ESYT1: variants seen among roughly 807,000 people sequenced by gnomAD.
ESYT1 encodes extended synaptotagmin 1.
In ESYT1, 116 loss-of-function variants were observed where a neutral mutation model predicts 154.2. The observed-to-expected ratio is 0.75, with a 90% CI of 0.65 to 0.88. The LOEUF is 0.88. Among genes scored for constraint, ESYT1 ranks in the 40% least tolerant of loss-of-function variants. ESYT1 has a pLI of 0.00. For synonymous variants in ESYT1, 500 were observed against 539.9 expected, an observed-to-expected ratio of 0.93 and a Z score of 1.02; for missense variants, 1,264 against 1,379.3, an observed-to-expected ratio of 0.92 and a Z score of 1.32.
chr12:56,130,661 G>T, intron 2 of ESYT1, 38 bp downstream of exon 2: 1 of 1,614,002 alleles, frequency 6.2e-7, no homozygotes, highest in Non-Finnish European at 8.5e-7. Context: ...CATGAGGGGA[G>T]AATGGGAATT....
At position 56,144,101 on chromosome 12, in the gene ESYT1, T is replaced by C. The variant is rs773538386; in HGVS notation, c.*239T>C. 6.8e-5 allele frequency: 96 copies of C among 1,417,992 alleles called. No homozygotes were observed. The highest frequency in any genetic ancestry group is 8.4e-5 in the Non-Finnish European group (92 of 1,089,214). The allele number at this position is 1,417,992 out of a possible 1,614,324, so 87.8% of individuals were successfully genotyped here. On this transcript the variant is annotated 3_prime_UTR_variant, in exon 31 of 31. Coordinates refer to ENST00000394048, the MANE Select transcript of ESYT1 (RefSeq NM_015292.3). ...GGGGCGGGGACCTGAGCTGGCTGTT[T>C]CCTGCTTTGCCTGCACATTGTTCTC...
Position 56,142,206 on chromosome 12 carries a change from C to A in ESYT1, c.2593-79C>A. On this transcript the variant is annotated intron_variant, in intron 24 of 30. Transcript: ENST00000394048. This position sits in a 1 kb window ranked among gnomAD's most constrained non-coding sequence, Gnocchi z 4.1. ...TCACCAAACCACCTATGAGTCCAAG[C>A]GTTTGGACCTTTAAAACACCAGGAT... 6.5e-7 allele frequency: 1 copy of A among 1,545,766 alleles called. No homozygotes were observed. Among genetic ancestry groups the A allele is most frequent in the Non-Finnish European group, 8.8e-7 (1 of 1,133,600 alleles).
chr12:56,128,792 G>C, intron 1 of ESYT1, 83 bp downstream of exon 1: 2 of 1,544,566 alleles, frequency 1.3e-6, no homozygotes, highest in South Asian at 2.3e-5. Context: ...TATGCCTAGA[G>C]TCAGCTCCCT....
At chr12:56,136,524 G>A (rs1273145858) in intron 15 of ESYT1, among the ~76,000 whole-genome samples, 2 of 149,786 alleles carry the variant, frequency 1.3e-5, no homozygotes, top group African/African-American at 2.5e-5. Flanking sequence ...CCAGGAGGTC[G>A]AAGTTGCAGT....
At chr12:56,134,513 C>T (rs1870370148) in intron 15 of ESYT1, 85 bp downstream of exon 15, 1 of 1,159,348 alleles carries the variant, frequency 8.6e-7, no homozygotes, top group Non-Finnish European at 1.3e-6. Flanking sequence ...CTTCTTTTCC[C>T]TTGATTCCTA....
At position 56,144,339 on chromosome 12, in the gene ESYT1, C is replaced by G. The variant is rs1429650548; in HGVS notation, c.*477C>G. On this transcript the variant is annotated 3_prime_UTR_variant, in exon 31 of 31. Transcript: ENST00000394048. The stretch of plus-strand genomic sequence containing the variant: ...TAGACTACTGCATGTAGCAAATGTT[C>G]AGCAGCTCAGGCCCCCATGTCCAGT... The G allele has an allele frequency of 7.9e-6, 8 of 1,012,640 alleles. No homozygotes were observed. Among genetic ancestry groups the G allele is most frequent in the Middle Eastern group, 5.0e-4 (1 of 2,002 alleles). The allele number at this position is 1,012,640 out of a possible 1,614,324, so 62.7% of individuals were successfully genotyped here. A position where few individuals can be genotyped will look rare whatever the true frequency, so the allele number is the denominator to read the frequency against.
Position 56,137,258 on chromosome 12 carries a change from T to A in ESYT1, c.1823T>A (p.Val608Glu). 6.2e-7 allele frequency: 1 copy of A among 1,614,214 alleles called. No individual in the cohort carries two copies. Residue 608 changes from valine to glutamate, a missense_variant, in exon 17 of 31, where the codon GTG becomes GAG. Transcript: ENST00000394048. ...TCATCAGAAATATGCTTCCCCACGGTGCCTGGTTGTCCTGGTGCTTGGGAC... is the reference window on the plus strand; with the variant it reads ...TCATCAGAAATATGCTTCCCCACGGAGCCTGGTTGTCCTGGTGCTTGGGAC... ...LDSSEICFPTVPGCPGAWDVD... is the reference protein window; with the variant it reads ...LDSSEICFPTEPGCPGAWDVD...
chr12:56,144,233 CT>C lies in ESYT1; in HGVS notation c.*374del, dbSNP rs1870832436. On this transcript the variant is annotated 3_prime_UTR_variant, in exon 31 of 31. Coordinates refer to ENST00000394048, the MANE Select transcript of ESYT1 (RefSeq NM_015292.3). ...TACAGCTTTGGAAGGATCTTTTTTTCTTTAACTAGATGGTCACCTTCTTCCC... is the reference window on the plus strand; with the variant it reads ...TACAGCTTTGGAAGGATCTTTTTTTCTTAACTAGATGGTCACCTTCTTCCC... The C allele has an allele frequency of 9.0e-7, 1 of 1,111,942 alleles. No homozygotes were observed. The highest frequency in any genetic ancestry group is 1.1e-6 in the Non-Finnish European group (1 of 907,070). The allele number at this position is 1,111,942 out of a possible 1,614,324, so 68.9% of individuals were successfully genotyped here.
chr12:56,130,975 G>A (rs367631676), intron 3 of ESYT1, 50 bp downstream of exon 3: 9 of 1,613,984 alleles, frequency 5.6e-6, no homozygotes, highest in Non-Finnish European at 6.8e-6. Flanking sequence ...AGGGTGAGTG[G>A]CCCGGAGTAG....
chr12:56,131,844 G>C (rs200049062), intron 7 of ESYT1, 40 bp downstream of exon 7: 72 of 1,602,216 alleles, frequency 4.5e-5, no homozygotes, highest in Non-Finnish European at 5.8e-5. Flanking sequence ...GTGTTCCAGC[G>C]CTGGGTTGGG....
At position 56,133,428 on chromosome 12, in the gene ESYT1, A is replaced by G; in HGVS notation, c.1256A>G (p.Asp419Gly). 6.2e-7 allele frequency: 1 copy of G among 1,614,110 alleles called. No homozygotes were observed. The highest frequency in any genetic ancestry group is 8.5e-7 in the Non-Finnish European group (1 of 1,180,032). ...CCGCCAACCCTCAGAATGAAGCTGGATGTAGGGAAGGTGTTACAGGCTAGC... is the reference window on the plus strand; with the variant it reads ...CCGCCAACCCTCAGAATGAAGCTGGGTGTAGGGAAGGTGTTACAGGCTAGC... Reference protein sequence around the residue: ...KDDFLGRMKLDVGKVLQASVL... With the variant: ...KDDFLGRMKLGVGKVLQASVL... Residue 419 changes from aspartate (D) to glycine (G), a missense_variant, in exon 11 of 31, where the codon GAT (aspartate) becomes GGT (glycine). Physicochemically the swap from Asp to Gly is moderately conservative, Grantham distance 94. Transcript: ENST00000394048.
At position 56,128,481 on chromosome 12, in the gene ESYT1, G is replaced by A. The variant is rs1313939505; in HGVS notation, c.162G>A (p.Val54=). The change falls in exon 1 of 31, where the codon GTG becomes GTA. Residue 54 remains valine (V), a synonymous_variant. Coordinates refer to ENST00000394048, the MANE Select transcript of ESYT1 (RefSeq NM_015292.3). ...GCGCGGCGGGTGAGGCCCTGGCGGT[G>A]CTGACTTCATTCGGGAGGCGGTTGC... ...GPGAAGEALA[V]LTSFGRRLLV... is the part of the protein sequence containing the mutation. 14 of 1,610,954 alleles carry A rather than the reference G, an allele frequency of 8.7e-6. No homozygotes were observed. Among genetic ancestry groups the A allele is most frequent in the African/African-American group, 1.3e-5 (1 of 74,928 alleles).
chr12:56,143,299 CCTT>C lies in ESYT1; in HGVS notation c.3193_3195del (p.Phe1065del). 1.2e-6 allele frequency: 2 copies of C among 1,614,142 alleles called. No homozygotes were observed. The highest frequency in any genetic ancestry group is 1.7e-6 in the Non-Finnish European group (2 of 1,180,026). On this transcript the variant is annotated inframe_deletion, in exon 29 of 31. Coordinates refer to ENST00000394048, the MANE Select transcript of ESYT1 (RefSeq NM_015292.3). Reference sequence around the variant, plus strand: ...GATGTCTCTGTCAAGTCTAATTCCTCCTTCATGTCAAGAGAGCGTGAGCTGCTG... The same window carrying C: ...GATGTCTCTGTCAAGTCTAATTCCTCCATGTCAAGAGAGCGTGAGCTGCTG...
chr12:56,142,713 C>T lies in ESYT1; in HGVS notation c.2869C>T (p.Arg957Cys), dbSNP rs763043450. The change falls in exon 26 of 31, where the codon CGC (arginine) becomes TGC (cysteine). Residue 957 changes from arginine to cysteine, a missense_variant. By Grantham distance (180) the Arg-to-Cys change is radical. Coordinates refer to ENST00000394048, the MANE Select transcript of ESYT1 (RefSeq NM_015292.3). The surrounding 1 kb of genome is among the most constrained non-coding windows in gnomAD (Gnocchi z 4.1). ...CTCCTCAGCCCCAGAGCTCCGGCAG[C>T]GCCTAACACATGTTGACAGGTAAAG... ...ITSSAPELRQ[R>C]LTHVDSPLEA... 2.5e-6 allele frequency: 4 copies of T among 1,613,746 alleles called. No individual in the cohort carries two copies. The highest frequency in any genetic ancestry group is 3.4e-6 in the Non-Finnish European group (4 of 1,180,040).
Position 56,143,922 on chromosome 12 carries a change from G to T in ESYT1, c.*60G>T. 1 of 1,611,220 alleles carries T rather than the reference G, an allele frequency of 6.2e-7. No individual in the cohort carries two copies. ...CCTGCCTTCGTCTCGCTCCATCACC[G>T]CCTCAATGTGATGAGCCTAAAGCTA... On this transcript the variant is annotated 3_prime_UTR_variant, in exon 31 of 31. Transcript: ENST00000394048.
At chr12:56,138,102 C>T in intron 20 of ESYT1, 28 bp downstream of exon 20, 6 of 1,613,930 alleles carry the variant, frequency 3.7e-6, no homozygotes, top group Non-Finnish European at 5.1e-6. Flanking sequence ...GTCAACAACC[C>T]CTCCTGATCC....
In ESYT1 at chr12:56,137,366, G is replaced by A. The variant is rs1870502517; in HGVS notation, c.1931G>A (p.Gly644Glu). The A allele has an allele frequency of 6.2e-7, 1 of 1,614,190 alleles. No individual in the cohort carries two copies. The highest frequency in any genetic ancestry group is 8.5e-7 in the Non-Finnish European group (1 of 1,180,038). The change falls in exon 17 of 31, where the codon GGG (glycine) becomes GAG (glutamate). Residue 644 changes from glycine (G) to glutamate (E), a missense_variant. Physicochemically the swap from Gly to Glu is moderately conservative, Grantham distance 98. Coordinates refer to ENST00000394048, the MANE Select transcript of ESYT1 (RefSeq NM_015292.3). ...PCHTTPDSQF[G>E]TEHVLRIHVL... ...CACACGACTCCTGATAGCCAGTTTG[G>A]GACTGAGGTGAGTCTATATCTGGAA...
In ESYT1 at chr12:56,133,744, C is replaced by CG. The variant is rs1158645364; in HGVS notation, c.1381-33dup. ...AGCTGGAAGTGTAGGGGACTTGGAA[C>CG]GGGGACCAAGATCTGACTACTACCA... is the stretch of plus-strand genomic sequence containing the variant. On this transcript the variant is annotated intron_variant, in intron 12 of 30. Transcript: ENST00000394048. The CG allele has an allele frequency of 5.0e-6, 8 of 1,612,688 alleles. No homozygotes were observed. In the Admixed American group the frequency reaches 1.3e-4, roughly 27 times the overall value.
chr12:56,137,594 C>T lies in ESYT1; in HGVS notation c.2034C>T (p.Val678=), dbSNP rs373790808. Residue 678 remains valine (V), a synonymous_variant, in exon 18 of 31, where the codon GTC becomes GTT. Coordinates refer to ENST00000394048, the MANE Select transcript of ESYT1 (RefSeq NM_015292.3). The part of the protein sequence containing the change: ...GLVKGKSDPY[V]KLKLAGRSFR... ...TGAAGGGCAAGTCAGACCCCTATGT[C>T]AAACTAAAGTTGGCAGGACGAAGCT... The T allele has an allele frequency of 8.7e-6, 14 of 1,614,042 alleles. No individual in the cohort carries two copies. Among genetic ancestry groups the T allele is most frequent in the African/African-American group, 1.3e-5 (1 of 74,906 alleles).
Sources: allele counts gnomAD v4.1 joint callset (sites outside exome capture counted in the v4.1 genomes callset), GRCh38; gene constraint gnomAD v4.1.1; non-coding constraint Gnocchi (gnomAD v3.1); transcripts MANE v1.5; gene names NCBI Gene and HGNC (gene_info 2026-07-23, HGNC 2026-07-21).